The following PDE7A variants were observed in gnomAD, a reference collection of about 807,000 sequenced individuals.
PDE7A encodes the protein high affinity 3',5'-cyclic-AMP phosphodiesterase 7A.
PDE7A carries 39 observed loss-of-function variants against 64.3 expected under a neutral mutation model. That is an observed-to-expected ratio of 0.61 (90% CI 0.47 to 0.79). PDE7A has a LOEUF of 0.79. Among genes scored for constraint, PDE7A ranks in the 30% least tolerant of loss-of-function variants. The pLI, the probability that PDE7A is intolerant of heterozygous loss-of-function variation, is 0.00. For missense variants in PDE7A, 470 were observed against 582.8 expected, an observed-to-expected ratio of 0.81 and a Z score of 1.99; for synonymous variants, 203 against 206.8, an observed-to-expected ratio of 0.98 and a Z score of 0.16.
At chr8:65,817,207 A>G (rs1244113014) in intron 1 of PDE7A, among the ~76,000 whole-genome samples, 4 of 152,366 alleles carry the variant, frequency 2.6e-5, no homozygotes, top group Admixed American at 1.3e-4. Context: ...AGTTGCAAAG[A>G]TAGTAGAGTG....
At chr8:65,761,636 T>G (rs372813949) in intron 3 of PDE7A, among the ~76,000 whole-genome samples, 2 of 152,198 alleles carry the variant, frequency 1.3e-5, no homozygotes, top group African/African-American at 4.8e-5. Flanking sequence ...ATTACTTCAC[T>G]ATGTGACCAA....
intron 3 of PDE7A, among the ~76,000 whole-genome samples, chr8:65,761,061 T>C (rs1432026975): frequency 1.3e-5 from 2 of 152,088 alleles, no homozygotes; most frequent in African/African-American, 4.8e-5. Flanking sequence ...AATATTGTTT[T>C]TTCTTTTTTT....
At chr8:65,741,073 T>C (rs1807408372) in intron 5 of PDE7A, among the ~76,000 whole-genome samples, 1 of 152,254 alleles carries the variant, frequency 6.6e-6, no homozygotes. Context: ...ATGTTTCGTT[T>C]TCCCTTCCAT....
chr8:65,817,276 A>G (rs1177937040), intron 1 of PDE7A, among the ~76,000 whole-genome samples: 2 of 152,226 alleles, frequency 1.3e-5, no homozygotes, highest in African/African-American at 2.4e-5. Flanking sequence ...AATATCTTAC[A>G]TAACTGTGTT....
chr8:65,814,105 G>A (rs1447688161), intron 1 of PDE7A, among the ~76,000 whole-genome samples: 3 of 152,104 alleles, frequency 2.0e-5, no homozygotes, highest in South Asian at 4.1e-4. Context: ...AACCAATGCA[G>A]TAACACAGAT....
chr8:65,722,802 G>A (rs1020287629), intron 12 of PDE7A: 1 of 152,230 alleles, frequency 6.6e-6, no homozygotes, highest in Non-Finnish European at 1.5e-5. Flanking sequence ...ACAACCAAGT[G>A]GATCAGGCAC....
At chr8:65,829,365 A>T (rs1170859910) in intron 1 of PDE7A, among the ~76,000 whole-genome samples, 1 of 152,056 alleles carries the variant, frequency 6.6e-6, no homozygotes, top group African/African-American at 2.4e-5. Flanking sequence ...ATCTCTGATT[A>T]TATGTTAATT....
At chr8:65,840,888 T>C (rs933248389) in intron 1 of PDE7A, among the ~76,000 whole-genome samples, 1 of 152,252 alleles carries the variant, frequency 6.6e-6, no homozygotes, top group Non-Finnish European at 1.5e-5. Flanking sequence ...TCTAGGCCTA[T>C]TGTTCAGAGG....
intron 7 of PDE7A, among the ~76,000 whole-genome samples, chr8:65,731,984 T>TTGTTG (rs1806910272): frequency 6.6e-6 from 1 of 151,664 alleles, no homozygotes; most frequent in Non-Finnish European, 1.5e-5. Context: ...ATTATTATTA[T>TTGTTG]TATTGTTGTT....
chr8:65,781,152 C>T (rs1809405778), intron 2 of PDE7A, among the ~76,000 whole-genome samples: 1 of 152,068 alleles, frequency 6.6e-6, no homozygotes, highest in South Asian at 2.1e-4. Context: ...GGGAGGGTGA[C>T]TCATTAGTGC....
intron 10 of PDE7A, 128 bp downstream of exon 10, chr8:65,724,649 T>G (rs1437047663): frequency 1.3e-6 from 1 of 794,936 alleles, no homozygotes; most frequent in Admixed American, 2.7e-5. Context: ...GTGCGCTAAT[T>G]GAAGGAAATT....
chr8:65,720,018 A>C (rs1806308213), intron 12 of PDE7A, among the ~76,000 whole-genome samples: 1 of 152,238 alleles, frequency 6.6e-6, no homozygotes, highest in Non-Finnish European at 1.5e-5. Flanking sequence ...AGAATTTATA[A>C]AGGCAAAACT....
intron 1 of PDE7A, 112 bp from the exon 2 acceptor site, chr8:65,782,955 T>G (rs1041506818): frequency 1.5e-6 from 1 of 652,464 alleles, no homozygotes; most frequent in East Asian, 2.9e-5. Flanking sequence ...GCAAGAGAAG[T>G]TGGATACACA....
intron 1 of PDE7A, among the ~76,000 whole-genome samples, chr8:65,792,253 A>G (rs918101879): frequency 7.9e-5 from 12 of 152,236 alleles, no homozygotes; most frequent in Admixed American, 5.9e-4. Context: ...TTTCAAAAAC[A>G]GAATTTGATA....
chr8:65,784,904 C>G (rs922430556), intron 1 of PDE7A, among the ~76,000 whole-genome samples: 4 of 151,924 alleles, frequency 2.6e-5, no homozygotes, highest in Non-Finnish European at 5.9e-5. Context: ...TTTTACATAT[C>G]AGATTAATGA....
At chr8:65,737,487 G>C (rs960701735) in intron 6 of PDE7A, among the ~76,000 whole-genome samples, 1 of 152,068 alleles carries the variant, frequency 6.6e-6, no homozygotes, top group African/African-American at 2.4e-5. Context: ...TTGCAGATTA[G>C]CAAAAATGGT....
At chr8:65,730,127 C>T (rs573569159) in intron 7 of PDE7A, among the ~76,000 whole-genome samples, 5 of 143,982 alleles carry the variant, frequency 3.5e-5, no homozygotes, top group Admixed American at 2.1e-4. Context: ...GGAGCACAAA[C>T]CCTATTGTAA....
chr8:65,821,268 A>G (rs1810535448), intron 1 of PDE7A, among the ~76,000 whole-genome samples: 1 of 152,208 alleles, frequency 6.6e-6, no homozygotes, highest in Admixed American at 6.5e-5. Context: ...AGACCTAAAA[A>G]GCTTTATGAA....
chr8:65,782,981 T>C (rs375887448), intron 1 of PDE7A, 138 bp from the exon 2 acceptor site: 10 of 603,172 alleles, frequency 1.7e-5, no homozygotes, highest in East Asian at 8.9e-5. Context: ...AAATTAGCTA[T>C]GGTACCTGTT....
Sources: allele counts gnomAD v4.1 joint callset (sites outside exome capture counted in the v4.1 genomes callset), GRCh38; gene constraint gnomAD v4.1.1; transcripts MANE v1.5; gene names NCBI Gene and HGNC (gene_info 2026-07-23, HGNC 2026-07-21).